The following HMGA2 variants were observed in gnomAD, a reference collection of about 807,000 sequenced individuals.
HMGA2 encodes the protein high mobility group AT-hook 2, also known as high mobility group protein HMGI-C.
Under a neutral mutation model 19.1 loss-of-function variants are expected in HMGA2, and 8 were observed. The observed-to-expected ratio is 0.42, with a 90% CI of 0.25 to 0.76. The LOEUF (loss-of-function observed/expected upper bound fraction) is 0.76. Ranked by LOEUF, HMGA2 falls within the 30% of genes least tolerant of loss-of-function variation. HMGA2 has a pLI of 0.28. For missense variants in HMGA2, 109 were observed against 136.3 expected (o/e 0.80, Z 1.00); for synonymous variants, 60 against 48.8 (o/e 1.23, Z -0.96).
chr12:65,867,178 G>A (rs1759636837), intron 3 of HMGA2, among the ~76,000 whole-genome samples: 1 of 152,138 alleles, frequency 6.6e-6, no homozygotes, highest in South Asian at 2.1e-4. Context: ...TTTGTTAACT[G>A]GTATCCCTGA....
At chr12:65,853,100 C>T (rs1252902678) in intron 3 of HMGA2, among the ~76,000 whole-genome samples, 4 of 152,066 alleles carry the variant, frequency 2.6e-5, no homozygotes, top group Non-Finnish European at 5.9e-5. Flanking sequence ...GGAAGGTTGC[C>T]GACTGACGTG....
intron 3 of HMGA2, among the ~76,000 whole-genome samples, chr12:65,879,796 A>G (rs550017877): frequency 6.6e-6 from 1 of 152,364 alleles, no homozygotes; most frequent in East Asian, 1.9e-4. Flanking sequence ...GTGTTTATAC[A>G]TATATTCTAT....
chr12:65,936,030 A>G (rs769580157), intron 3 of HMGA2, among the ~76,000 whole-genome samples: 3 of 152,210 alleles, frequency 2.0e-5, no homozygotes, highest in African/African-American at 2.4e-5. Flanking sequence ...TACATGTCTA[A>G]TACATATAGC....
intron 3 of HMGA2, among the ~76,000 whole-genome samples, chr12:65,871,942 G>C (rs904628831): frequency 6.6e-6 from 1 of 152,174 alleles, no homozygotes; most frequent in African/African-American, 2.4e-5. Flanking sequence ...GTAGCTTTGT[G>C]CTCCACTGCA....
intron 3 of HMGA2, among the ~76,000 whole-genome samples, chr12:65,848,803 C>A (rs1045878969): frequency 6.6e-6 from 1 of 152,090 alleles, no homozygotes; most frequent in Admixed American, 6.5e-5. Context: ...TTGCAGTGAG[C>A]CGAGATTGCG....
intron 3 of HMGA2, among the ~76,000 whole-genome samples, chr12:65,865,723 C>T (rs1244338688): frequency 6.7e-6 from 1 of 150,116 alleles, no homozygotes. Context: ...CAAACTCCGT[C>T]TCCCAGGTTC....
At chr12:65,829,903 C>G (rs989819728) in intron 2 of HMGA2, among the ~76,000 whole-genome samples, 1 of 151,928 alleles carries the variant, frequency 6.6e-6, no homozygotes, top group Non-Finnish European at 1.5e-5. Flanking sequence ...TTTAGTGACT[C>G]TAGTGACAGG....
At chr12:65,934,925 C>T (rs1160034774) in intron 3 of HMGA2, 1 of 152,252 alleles carries the variant, frequency 6.6e-6, no homozygotes, top group Non-Finnish European at 1.5e-5. Flanking sequence ...GAAGGAGTGA[C>T]TTCTCTCACC....
intron 3 of HMGA2, among the ~76,000 whole-genome samples, chr12:65,931,200 T>A (rs1224049454): frequency 6.6e-6 from 1 of 152,218 alleles, no homozygotes; most frequent in African/African-American, 2.4e-5. Flanking sequence ...GGATTTTTTT[T>A]AACCCACATA....
chr12:65,880,690 C>T (rs1450406438), intron 3 of HMGA2, among the ~76,000 whole-genome samples: 2 of 152,042 alleles, frequency 1.3e-5, no homozygotes, highest in East Asian at 1.9e-4. Flanking sequence ...CGATATCTCC[C>T]GGTAAATGCT....
intron 3 of HMGA2, among the ~76,000 whole-genome samples, chr12:65,855,794 AT>A (rs1283350416): frequency 6.6e-6 from 1 of 151,974 alleles, no homozygotes; most frequent in Non-Finnish European, 1.5e-5. Flanking sequence ...TCATTATGGG[AT>A]TCTTTTGGAG....
chr12:65,868,601 ATACATAATCACCATTTG>A (rs1254927778), intron 3 of HMGA2, among the ~76,000 whole-genome samples: 4 of 152,254 alleles, frequency 2.6e-5, no homozygotes, highest in Non-Finnish European at 5.9e-5. Flanking sequence ...GTTTCTTTTT[ATACATAATCACCATTTG>A]TACATAATCA....
intron 3 of HMGA2, among the ~76,000 whole-genome samples, chr12:65,918,623 T>C (rs1006703907): frequency 9.2e-5 from 14 of 152,192 alleles, no homozygotes; most frequent in African/African-American, 3.4e-4. Flanking sequence ...CTGAATGCAC[T>C]TTTCTCAAAC....
chr12:65,945,390 G>A (rs1802017295), intron 3 of HMGA2, among the ~76,000 whole-genome samples: 1 of 152,134 alleles, frequency 6.6e-6, no homozygotes, highest in South Asian at 2.1e-4. Context: ...TTTCGTGAAA[G>A]GCAAATTCTT....
At chr12:65,890,878 C>T (rs71450833) in intron 3 of HMGA2, among the ~76,000 whole-genome samples, 2,814 of 152,102 alleles carry the variant, frequency 0.019, 46 homozygotes, top group Non-Finnish European at 0.031. Context: ...TGTGCATCAC[C>T]GTGCCCGGCT....
chr12:65,870,165 G>T (rs914001983), intron 3 of HMGA2, among the ~76,000 whole-genome samples: 1 of 152,086 alleles, frequency 6.6e-6, no homozygotes, highest in African/African-American at 2.4e-5. Context: ...CAGTCTAGGG[G>T]TAGATATGCA....
chr12:65,957,457 T>C (rs890127066), intron 4 of HMGA2: 4 of 151,810 alleles, frequency 2.6e-5, no homozygotes, highest in Admixed American at 6.6e-5. Flanking sequence ...CTGAGCAACA[T>C]AGTGAGACCC....
chr12:65,860,982 C>A (rs1339763735), intron 3 of HMGA2, among the ~76,000 whole-genome samples: 1 of 152,176 alleles, frequency 6.6e-6, no homozygotes, highest in Non-Finnish European at 1.5e-5. Context: ...GACTTCATGG[C>A]ACACTTTTCT....
intron 3 of HMGA2, among the ~76,000 whole-genome samples, chr12:65,845,262 TGTTTTGTTTC>T (rs1412460522): frequency 3.9e-5 from 6 of 152,120 alleles, no homozygotes; most frequent in Admixed American, 6.5e-5. Context: ...TTTTTGTTTT[TGTTTTGTTTC>T]GTTTTGTTTT....
Sources: allele counts gnomAD v4.1 joint callset (sites outside exome capture counted in the v4.1 genomes callset), GRCh38; gene constraint gnomAD v4.1.1; transcripts MANE v1.5; gene names NCBI Gene and HGNC (gene_info 2026-07-23, HGNC 2026-07-21).